The following VRTN variants were observed in gnomAD, a reference collection of about 807,000 sequenced individuals.
VRTN encodes vertnin.
A neutral mutation model predicts 18.2 loss-of-function variants in VRTN; 5 were observed. That is an observed-to-expected ratio of 0.27 (90% confidence interval 0.14 to 0.58). The LOEUF is 0.58. Ranked by LOEUF, VRTN falls within the 20% of genes least tolerant of loss-of-function variation. The pLI is 0.91. For synonymous variants in VRTN, 381 were observed against 393.7 expected, an observed-to-expected ratio of 0.97 and a Z score of 0.38; for missense variants, 741 against 939.4, an observed-to-expected ratio of 0.79 and a Z score of 2.76.
chr14:74,336,825 C>G (rs1397037080), intron 1 of VRTN, among the ~76,000 whole-genome samples: 2 of 152,096 alleles, frequency 1.3e-5, no homozygotes, highest in African/African-American at 4.8e-5. Flanking sequence ...CTCTAGGTGA[C>G]TTTAGAGAAT....
intron 1 of VRTN, among the ~76,000 whole-genome samples, chr14:74,312,590 A>G (rs1293338263): frequency 6.6e-6 from 1 of 151,860 alleles, no homozygotes; most frequent in African/African-American, 2.4e-5. Flanking sequence ...AGCTGGGACT[A>G]CAGGCACATG....
chr14:74,336,760 C>T (rs957955137), intron 1 of VRTN, among the ~76,000 whole-genome samples: 3 of 151,770 alleles, frequency 2.0e-5, no homozygotes, highest in African/African-American at 4.8e-5. Context: ...GCAACAAGAG[C>T]GAAACTCCAT....
At chr14:74,335,017 C>T (rs1352222894) in intron 1 of VRTN, among the ~76,000 whole-genome samples, 1 of 152,148 alleles carries the variant, frequency 6.6e-6, no homozygotes, top group Non-Finnish European at 1.5e-5. Context: ...CACGGTGGCT[C>T]ACACCTGTAA....
chr14:74,329,063 G>C (rs538380158), intron 1 of VRTN, among the ~76,000 whole-genome samples: 21 of 152,280 alleles, frequency 1.4e-4, no homozygotes, highest in African/African-American at 5.1e-4. Context: ...CTGAGGTTGG[G>C]AGTTCCAGAC....
Position 74,310,647 on chromosome 14 carries a change from C to T in VRTN, c.-164+7471C>T, listed in dbSNP as rs912884680. 3.3e-5 allele frequency among the ~76,000 whole-genome samples: 5 copies of T among 150,780 alleles called. No individual in the cohort carries two copies. The South Asian group carries it at 1.1e-3, about 32-fold the overall frequency. On this transcript the variant is annotated intron_variant, in intron 1 of 2. Transcript: ENST00000557177. ...CCGCCTCCTGGGTTCAAGTGATTCT[C>T]CTGCCTCAGCCTCCCAAGTAGCTGG...
rs1435502045 is a variant in VRTN, at chr14:74,359,528, AAAAG to A, written c.*644_*647del. 1.8e-5 allele frequency: 3 copies of A among 166,974 alleles called. No homozygotes were observed. The highest frequency in any genetic ancestry group is 2.1e-4 in the South Asian group (1 of 4,818). 10.3% of individuals were successfully genotyped at this position (166,974 alleles called of 1,614,324 possible). On this transcript the variant is annotated 3_prime_UTR_variant, in exon 2 of 2. Coordinates refer to ENST00000256362, the MANE Select transcript of VRTN (RefSeq NM_018228.3). The stretch of plus-strand genomic sequence containing the variant: ...TGAGACCTCATCTCTTAGAAAAAAA[AAAAG>A]AAAGAAAATCAAATGTAGAGCTGAT...
chr14:74,351,124 A>G (rs566376981), intron 1 of VRTN, among the ~76,000 whole-genome samples: 1 of 152,342 alleles, frequency 6.6e-6, no homozygotes, highest in East Asian at 1.9e-4. Context: ...AAGTGACATA[A>G]TGCAAGAAAA....
chr14:74,309,754 G>A (rs1032512871), intron 1 of VRTN, among the ~76,000 whole-genome samples: 12 of 152,130 alleles, frequency 7.9e-5, no homozygotes, highest in Admixed American at 6.6e-5. Context: ...TGCTTATACT[G>A]TTTTCTAATG....
chr14:74,347,801 A>C (rs747841051), upstream of VRTN, among the ~76,000 whole-genome samples: 58 of 152,208 alleles, frequency 3.8e-4, no homozygotes, highest in Admixed American at 3.2e-3. Flanking sequence ...GGGCTCAGTA[A>C]GTTAGGTGCC....
At chr14:74,308,707 G>T (rs1002894003) in intron 1 of VRTN, among the ~76,000 whole-genome samples, 1 of 151,804 alleles carries the variant, frequency 6.6e-6, no homozygotes, top group Non-Finnish European at 1.5e-5. Context: ...GTAGAGATGG[G>T]GTTTTGCCAT....
chr14:74,358,807 G>A lies in VRTN; in HGVS notation c.2024G>A (p.Ser675Asn). The A allele has an allele frequency of 6.2e-7, 1 of 1,614,226 alleles. No individual in the cohort carries two copies. Among genetic ancestry groups the A allele is most frequent in the African/African-American group, 1.3e-5 (1 of 75,082 alleles). The change falls in exon 2 of 2, where the codon AGT becomes AAT. Residue 675 changes from serine (S) to asparagine (N), a missense_variant. By Grantham distance (46) the Ser-to-Asn change is conservative (BLOSUM62 1). Around this residue, in one of 3 missense-constraint regions of VRTN, gnomAD observed 61 missense variants for 104.6 expected, o/e 0.58. Coordinates refer to ENST00000256362, the MANE Select transcript of VRTN (RefSeq NM_018228.3). This position sits in a 1 kb window ranked among gnomAD's most constrained non-coding sequence, Gnocchi z 5.4. ...SKSFPSYKEF[S>N]ALFPLTARST... is the part of the protein sequence containing the mutation. Reference sequence around the variant, plus strand: ...AGCTTTCCCTCCTACAAGGAGTTCAGTGCCCTCTTTCCCCTCACTGCCCGC... The same window carrying A: ...AGCTTTCCCTCCTACAAGGAGTTCAATGCCCTCTTTCCCCTCACTGCCCGC...
At chr14:74,327,819 C>T (rs535960889) in intron 1 of VRTN, among the ~76,000 whole-genome samples, 4 of 152,256 alleles carry the variant, frequency 2.6e-5, no homozygotes, top group African/African-American at 7.2e-5. Flanking sequence ...CTCCCAGGTT[C>T]GAGCAATTCT....
chr14:74,339,939 C>A (rs151118286), intron 2 of VRTN, among the ~76,000 whole-genome samples: 4 of 151,944 alleles, frequency 2.6e-5, no homozygotes, highest in African/African-American at 2.4e-5. Context: ...GAATGAGAAG[C>A]CTTTTCTTTT....
upstream of VRTN, among the ~76,000 whole-genome samples, chr14:74,344,167 G>A (rs1419223664): frequency 1.4e-5 from 2 of 146,650 alleles, no homozygotes; most frequent in Non-Finnish European, 3.0e-5. Flanking sequence ...CTAGCATTTG[G>A]GGAGGCCAAA....
At chr14:74,332,315 G>T (rs565891020) in intron 1 of VRTN, among the ~76,000 whole-genome samples, 1 of 139,170 alleles carries the variant, frequency 7.2e-6, no homozygotes, top group African/African-American at 2.7e-5. Context: ...TTCCCCCTCC[G>T]GAGGATCGAC....
At chr14:74,321,963 C>G (rs1332167655) in intron 1 of VRTN, among the ~76,000 whole-genome samples, 1 of 152,124 alleles carries the variant, frequency 6.6e-6, no homozygotes, top group Non-Finnish European at 1.5e-5. Flanking sequence ...GCCTCAGCCT[C>G]CTGAGTAGCT....
At chr14:74,342,855 A>G (rs549991450) in intron 2 of VRTN, among the ~76,000 whole-genome samples, 6 of 152,186 alleles carry the variant, frequency 3.9e-5, no homozygotes, top group Non-Finnish European at 7.4e-5. Flanking sequence ...CCTGGGCTCA[A>G]GTCCTCCTGC....
Position 74,303,196 on chromosome 14 carries a change from T to A in VRTN, c.-164+20T>A, listed in dbSNP as rs72542405. On this transcript the variant is annotated intron_variant, in intron 1 of 2. Coordinates refer to the VRTN transcript ENST00000557177. ...TTTATGGCAAGTATTTTAGATTCTG[T>A]GTATAATAGATGTTTTACATATTCT... The A allele has an allele frequency of 3.9e-3, 1,498 of 382,942 alleles. 15 individuals are homozygous for A. Among genetic ancestry groups the A allele is most frequent in the African/African-American group, 0.028 (1,359 of 48,344 alleles). 23.7% of individuals were successfully genotyped at this position (382,942 alleles called of 1,614,324 possible). A position where few individuals can be genotyped will look rare whatever the true frequency, so the allele number is the denominator to read the frequency against.
At chr14:74,355,680 G>T (rs937758149) in intron 1 of VRTN, among the ~76,000 whole-genome samples, 3 of 151,826 alleles carry the variant, frequency 2.0e-5, no homozygotes, top group Non-Finnish European at 4.4e-5. Context: ...GATTACAGGT[G>T]CATTCCACCA....
Sources: gnomAD v4.1 joint callset for allele counts (sites outside exome capture counted in the v4.1 genomes callset) on GRCh38, gnomAD v4.1.1 for gene constraint, gnomAD v4.1.1 regional missense constraint, Gnocchi (gnomAD v3.1) non-coding constraint, MANE v1.5 for transcripts, NCBI Gene and HGNC (gene_info 2026-07-23, HGNC 2026-07-21) for gene names.